MACROH2A2: variants seen among roughly 807,000 people sequenced by gnomAD.
The protein encoded by MACROH2A2 is core histone macro-H2A.2.
Under a neutral mutation model 37.6 loss-of-function variants are expected in MACROH2A2, and 6 were observed. The observed-to-expected ratio is 0.16, with a 90% CI of 0.09 to 0.32. The LOEUF (loss-of-function observed/expected upper bound fraction) is 0.32, where lower values mean the gene tolerates loss of function less well. Ranked by LOEUF, MACROH2A2 falls within the 10% of genes least tolerant of loss-of-function variation. The pLI is 1.00. For missense variants in MACROH2A2, 290 were observed against 485.9 expected (o/e 0.60, Z 3.79); for synonymous variants, 192 against 202.7 (o/e 0.95, Z 0.45).
rs904150929 is a variant in MACROH2A2, at chr10:70,053,211, G to C, written c.-60+211G>C. ...CTTGCTTCCTTGGGCGATAAAGGGG[G>C]GGCTGCTAAAGAAGTGGTCAAATTC... On this transcript the variant is annotated intron_variant, in intron 1 of 8. Transcript: ENST00000373255. This position sits in a 1 kb window ranked among gnomAD's most constrained non-coding sequence, Gnocchi z 4.8. 6.6e-6 allele frequency among the ~76,000 whole-genome samples: 1 copy of C among 152,218 alleles called. No individual in the cohort carries two copies. The highest frequency in any genetic ancestry group is 2.4e-5 in the African/African-American group (1 of 41,458).
chr10:70,108,073 T>G lies in MACROH2A2; in HGVS notation c.779-960T>G, dbSNP rs535340670. Among the ~76,000 whole-genome samples, 6 of 152,106 alleles carry G rather than the reference T, an allele frequency of 3.9e-5. No individual in the cohort carries two copies. In the South Asian group the frequency reaches 1.0e-3, roughly 26 times the overall value. On this transcript the variant is annotated intron_variant, in intron 7 of 8. Coordinates refer to ENST00000373255, the MANE Select transcript of MACROH2A2 (RefSeq NM_018649.3). Reference sequence around the variant, plus strand: ...ATCTCTATAAAAAAATTTTAAAAATTAGCACATGCCTGTAATCCCAGCTAC... The same window carrying G: ...ATCTCTATAAAAAAATTTTAAAAATGAGCACATGCCTGTAATCCCAGCTAC...
At chr10:70,082,439 A>AAAAG (rs561257617) in intron 2 of MACROH2A2, among the ~76,000 whole-genome samples, 3 of 151,970 alleles carry the variant, frequency 2.0e-5, no homozygotes, top group South Asian at 2.1e-4. Context: ...AAGAAAAAAG[A>AAAAG]AAAGAAAGAA....
At chr10:70,054,795 TTTATC>T (rs1382246037) in intron 1 of MACROH2A2, among the ~76,000 whole-genome samples, 3 of 152,136 alleles carry the variant, frequency 2.0e-5, no homozygotes, top group African/African-American at 7.2e-5. Flanking sequence ...GGCGGAAAAG[TTTATC>T]TTGAGTCGCA....
chr10:70,091,085 T>C lies in MACROH2A2; in HGVS notation c.280-672T>C, dbSNP rs149474918. On this transcript the variant is annotated intron_variant, in intron 3 of 8. Coordinates refer to ENST00000373255, the MANE Select transcript of MACROH2A2 (RefSeq NM_018649.3). ...TGGAGACCACTGGTTCATCATTAAC[T>C]GGGTCTAGTCTTTGCAATGACCTTT... Among the ~76,000 whole-genome samples, 9 of 152,390 alleles carry C rather than the reference T, an allele frequency of 5.9e-5. No individual in the cohort carries two copies. The East Asian group carries it at 1.7e-3, about 29-fold the overall frequency.
intron 1 of MACROH2A2, among the ~76,000 whole-genome samples, chr10:70,067,007 C>A (rs1417118163): frequency 6.6e-6 from 1 of 152,120 alleles, no homozygotes; most frequent in Non-Finnish European, 1.5e-5. Context: ...TTCCTAAGTG[C>A]AAGAAGGCCA....
At chr10:70,101,706 C>T (rs967854866) in intron 7 of MACROH2A2, among the ~76,000 whole-genome samples, 3 of 152,284 alleles carry the variant, frequency 2.0e-5, no homozygotes, top group Admixed American at 6.5e-5. Context: ...TCTGTCTCTA[C>T]GGATTTGCCT....
At chr10:70,079,734 G>A (rs542188537) in intron 2 of MACROH2A2, among the ~76,000 whole-genome samples, 1 of 152,294 alleles carries the variant, frequency 6.6e-6, no homozygotes, top group South Asian at 2.1e-4. Context: ...GTGTCACTTT[G>A]TGAAGAACTG....
rs556319718 is a variant in MACROH2A2, at chr10:70,107,034, T to G, written c.779-1999T>G. On this transcript the variant is annotated intron_variant, in intron 7 of 8. Transcript: ENST00000373255. This position sits in a 1 kb window ranked among gnomAD's most constrained non-coding sequence, Gnocchi z 4.4. ...CCTCCAGTTTTAGGGGCATCATTGT[T>G]CAGTCCAAAGAGGGACACTCTGCTT... Among the ~76,000 whole-genome samples the G allele has an allele frequency of 6.6e-6, 1 of 152,262 alleles. No individual in the cohort carries two copies. The highest frequency in any genetic ancestry group is 1.9e-4 in the East Asian group (1 of 5,154).
chr10:70,100,421 C>A (rs2136640396), intron 7 of MACROH2A2, 124 bp downstream of exon 7: 1 of 598,240 alleles, frequency 1.7e-6, no homozygotes. Flanking sequence ...AATCAGAAAG[C>A]TGTTTTAGCA....
intron 2 of MACROH2A2, among the ~76,000 whole-genome samples, chr10:70,079,585 A>ACACACG (rs2072163009): frequency 6.6e-6 from 1 of 151,608 alleles, no homozygotes; most frequent in Non-Finnish European, 1.5e-5. Flanking sequence ...ACACACACAC[A>ACACACG]CACACACACA....
At chr10:70,064,486 C>T (rs117598890) in intron 1 of MACROH2A2, among the ~76,000 whole-genome samples, 5,541 of 152,212 alleles carry the variant, frequency 0.036, 147 homozygotes, top group Non-Finnish European at 0.056. Flanking sequence ...TAACTGGACA[C>T]CCTAAAGCCA....
At chr10:70,079,363 G>A (rs566907711) in intron 2 of MACROH2A2, among the ~76,000 whole-genome samples, 13 of 152,064 alleles carry the variant, frequency 8.5e-5, no homozygotes, top group African/African-American at 2.7e-4. Flanking sequence ...AGACTGGGGG[G>A]GCGGGTGAAC....
chr10:70,080,865 A>G (rs981756623), intron 2 of MACROH2A2, among the ~76,000 whole-genome samples: 5 of 142,566 alleles, frequency 3.5e-5, no homozygotes, highest in African/African-American at 1.0e-4. Context: ...AGCCTGGGGA[A>G]CAACAGTGAA....
At chr10:70,105,051 G>A (rs1235514204) in intron 7 of MACROH2A2, among the ~76,000 whole-genome samples, 1 of 152,232 alleles carries the variant, frequency 6.6e-6, no homozygotes, top group Non-Finnish European at 1.5e-5. Context: ...GTTCAGGGAG[G>A]CAGAAGCTGG....
At chr10:70,086,836 G>A (rs2072214790) in intron 2 of MACROH2A2, among the ~76,000 whole-genome samples, 1 of 152,154 alleles carries the variant, frequency 6.6e-6, no homozygotes, top group Non-Finnish European at 1.5e-5. Context: ...GAGATGAGCA[G>A]GGGCAGCACA....
intron 7 of MACROH2A2, among the ~76,000 whole-genome samples, chr10:70,106,091 A>AGCAGCCTCAGCAGTT (rs2072336003): frequency 6.6e-6 from 1 of 152,214 alleles, no homozygotes; most frequent in Non-Finnish European, 1.5e-5. Context: ...CATCAGCAGT[A>AGCAGCCTCAGCAGTT]GCAGCCTCTC....
At chr10:70,081,550 G>A (rs989953490) in intron 2 of MACROH2A2, among the ~76,000 whole-genome samples, 15 of 152,258 alleles carry the variant, frequency 9.9e-5, no homozygotes, top group Non-Finnish European at 1.8e-4. Context: ...CCAAGGGAAG[G>A]AAGGGAAGGC....
chr10:70,064,444 G>A (rs536014929), intron 1 of MACROH2A2, among the ~76,000 whole-genome samples: 1 of 152,266 alleles, frequency 6.6e-6, no homozygotes, highest in East Asian at 1.9e-4. Context: ...AAACCTCCCT[G>A]CTCATTCTGG....
In MACROH2A2 at chr10:70,108,810, A is replaced by G. The variant is rs373678078; in HGVS notation, c.779-223A>G. ...CCATATGAAAATGGCGCATCAGAGC[A>G]GCATTAAACGCTTCTACCCAAAGCT... is the stretch of plus-strand genomic sequence containing the variant. On this transcript the variant is annotated intron_variant, in intron 7 of 8. Coordinates refer to ENST00000373255, the MANE Select transcript of MACROH2A2 (RefSeq NM_018649.3). Among the ~76,000 whole-genome samples, 9 of 152,238 alleles carry G rather than the reference A, an allele frequency of 5.9e-5. No homozygotes were observed. The East Asian group carries it at 1.7e-3, about 30-fold the overall frequency.
Sources: gnomAD v4.1 joint callset for allele counts (sites outside exome capture counted in the v4.1 genomes callset) on GRCh38, gnomAD v4.1.1 for gene constraint, Gnocchi (gnomAD v3.1) non-coding constraint, MANE v1.5 for transcripts, NCBI Gene and HGNC (gene_info 2026-07-23, HGNC 2026-07-21) for gene names.